Variants in GNB2 observed in about 807,000 individuals in gnomAD.
GNB2 encodes G protein subunit beta 2.
GNB2 carries 7 observed loss-of-function variants against 40.7 expected under a neutral mutation model. The ratio of observed to expected loss-of-function variants is 0.17; its 90% CI spans 0.10 to 0.32. The LOEUF (loss-of-function observed/expected upper bound fraction) is 0.32, where lower values mean the gene tolerates loss of function less well. GNB2 is among the 10% of genes least tolerant of loss of function. The pLI is 1.00. For missense variants in GNB2, 286 were observed against 473.0 expected, an observed-to-expected ratio of 0.60 and a Z score of 3.67; for synonymous variants, 254 against 191.2, an observed-to-expected ratio of 1.33 and a Z score of -2.71.
chr7:100,674,580 C>T (rs1804309933), intron 1 of GNB2, among the ~76,000 whole-genome samples: 1 of 152,064 alleles, frequency 6.6e-6, no homozygotes, highest in African/African-American at 2.4e-5. Flanking sequence ...CACTGCGCTT[C>T]GCAGCGCCGC....
In GNB2 at chr7:100,676,235, GC is replaced by G; in HGVS notation, c.-26del. 1.4e-6 allele frequency: 2 copies of G among 1,383,392 alleles called. No individual in the cohort carries two copies. Among genetic ancestry groups the G allele is most frequent in the Non-Finnish European group, 2.0e-6 (2 of 995,042 alleles). The allele number at this position is 1,383,392 out of a possible 1,614,324, so 85.7% of individuals were successfully genotyped here. ...AGCCCCCGTCCCGCGGCCCCCAGCC[GC>G]CCCCAACCCTGCCCCACGGGCCCGG... On this transcript the variant is annotated 5_prime_UTR_variant, in exon 2 of 10. Coordinates refer to ENST00000303210, the MANE Select transcript of GNB2 (RefSeq NM_005273.4).
rs1010970751 is a variant in GNB2 at position 100,678,891 on chromosome 7, C to G, written c.*90C>G. The G allele has an allele frequency of 6.7e-6, 7 of 1,040,198 alleles. No individual in the cohort carries two copies. The African/African-American group carries it at 1.1e-4, about 17-fold the overall frequency. The allele number at this position is 1,040,198 out of a possible 1,614,324, so 64.4% of individuals were successfully genotyped here. On this transcript the variant is annotated 3_prime_UTR_variant, in exon 10 of 10. Transcript: ENST00000303210. ...GCTGCGGGGCTGGCGCAATCCCAGC[C>G]CCCTTCCCCGGGCCACGGGGCCTTG...
intron 8 of GNB2, 32 bp from the exon 9 acceptor site, chr7:100,678,354 TCCTCACCCTCAC>T: frequency 2.5e-6 from 4 of 1,602,098 alleles, no homozygotes; most frequent in Non-Finnish European, 3.4e-6. Flanking sequence ...CCGGCCCTGC[TCCTCACCCTCAC>T]CCTCACCCCA....
rs539911782 is a variant in GNB2 at position 100,675,976 on chromosome 7, G to C, written c.-89-201G>C. On this transcript the variant is annotated intron_variant, in intron 1 of 9. Coordinates refer to ENST00000303210, the MANE Select transcript of GNB2 (RefSeq NM_005273.4). ...TCTTGCACTTCCCGCTCCGTTTCCG[G>C]GGGGCGGGAGGAAGATTGGGGAAGT... 615 of 431,810 alleles carry C rather than the reference G, an allele frequency of 1.4e-3. 6 individuals are homozygous for C. The highest frequency in any genetic ancestry group is 0.012 in the African/African-American group (562 of 47,730). The allele number at this position is 431,810 out of a possible 1,614,324, so 26.7% of individuals were successfully genotyped here.
intron 4 of GNB2, chr7:100,677,084 G>A (rs1584478980): frequency 1.7e-6 from 1 of 593,582 alleles, no homozygotes; most frequent in East Asian, 2.8e-5. Context: ...GACCAGCCTG[G>A]GCAACATAGT....
At position 100,678,508 on chromosome 7, in the gene GNB2, C is replaced by T. The variant is rs1804413954; in HGVS notation, c.810C>T (p.Ile270=). 2 of 1,613,838 alleles carry T rather than the reference C, an allele frequency of 1.2e-6. No homozygotes were observed. Among genetic ancestry groups the T allele is most frequent in the Non-Finnish European group, 1.7e-6 (2 of 1,179,900 alleles). The change falls in exon 9 of 10, where the codon ATC becomes ATT. Residue 270 remains isoleucine, a synonymous_variant. Coordinates refer to ENST00000303210, the MANE Select transcript of GNB2 (RefSeq NM_005273.4). ...TCATGTACTCCCATGACAACATCAT[C>T]TGTGGCATCACCTCTGTTGCCTTCT... The part of the protein sequence containing the change: ...ELLMYSHDNI[I]CGITSVAFSR...
At position 100,673,764 on chromosome 7, in the gene GNB2, C is replaced by G. The variant is rs1387248432; in HGVS notation, c.-249C>G. ...CACTGGCGGGCGGGATCCCTCCGCT[C>G]TGGGGAGGCAGCGCTGGCGGCGGGG... On this transcript the variant is annotated 5_prime_UTR_variant, in exon 1 of 10. Coordinates refer to ENST00000303210, the MANE Select transcript of GNB2 (RefSeq NM_005273.4). The G allele has an allele frequency of 6.0e-6, 1 of 167,580 alleles. No homozygotes were observed. Among genetic ancestry groups the G allele is most frequent in the East Asian group, 1.7e-4 (1 of 5,916 alleles). 10.4% of individuals were successfully genotyped at this position (167,580 alleles called of 1,614,324 possible).
At chr7:100,676,833 C>A in intron 4 of GNB2, 34 bp downstream of exon 4, 2 of 1,293,462 alleles carry the variant, frequency 1.5e-6, no homozygotes, top group East Asian at 2.5e-5. Context: ...CGCTGTGGGC[C>A]GACTTTCTAG....
chr7:100,676,500 C>A (rs1330338457), intron 2 of GNB2, 35 bp from the exon 3 acceptor site: 5 of 1,578,926 alleles, frequency 3.2e-6, no homozygotes, highest in Non-Finnish European at 4.4e-6. Flanking sequence ...AACCTGTCTT[C>A]TCTCGCGTCT....
chr7:100,676,207 C>A lies in GNB2; in HGVS notation c.-59C>A. ...GGGCCAGCGGCCAGGAGCTGCCTCCCCCAGCCCCCGTCCCGCGGCCCCCAG... is the reference window on the plus strand; with the variant it reads ...GGGCCAGCGGCCAGGAGCTGCCTCCACCAGCCCCCGTCCCGCGGCCCCCAG... On this transcript the variant is annotated 5_prime_UTR_variant, in exon 2 of 10. Transcript: ENST00000303210. 5 of 1,070,024 alleles carry A rather than the reference C, an allele frequency of 4.7e-6. No homozygotes were observed. Among genetic ancestry groups the A allele is most frequent in the Middle Eastern group, 2.9e-4 (1 of 3,430 alleles). The allele number at this position is 1,070,024 out of a possible 1,614,324, so 66.3% of individuals were successfully genotyped here. A position where few individuals can be genotyped will look rare whatever the true frequency, so the allele number is the denominator to read the frequency against.
chr7:100,674,511 C>T (rs1489368883), intron 1 of GNB2, among the ~76,000 whole-genome samples: 2 of 151,636 alleles, frequency 1.3e-5, no homozygotes, highest in African/African-American at 2.4e-5. Context: ...CAGGCGCCCG[C>T]CCCCCGCCCA....
At chr7:100,676,981 G>T in intron 4 of GNB2, 182 bp downstream of exon 4, 1 of 600,126 alleles carries the variant, frequency 1.7e-6, no homozygotes. Context: ...GAACTTGTGG[G>T]CTGCAGCTGG....
At chr7:100,677,852 A>C (rs1433654134) in intron 7 of GNB2, 34 bp downstream of exon 7, 3 of 1,571,800 alleles carry the variant, frequency 1.9e-6, no homozygotes, top group African/African-American at 1.3e-5. Flanking sequence ...AGTCTGGGCA[A>C]ACCCACACTT....
rs767891822 is a variant in GNB2 at position 100,678,757 on chromosome 7, G to A, written c.979G>A (p.Val327Met). 3.7e-6 allele frequency: 6 copies of A among 1,613,552 alleles called. No homozygotes were observed. In the African/African-American group the frequency reaches 8.0e-5, roughly 22 times the overall value. The change falls in exon 10 of 10, where the codon GTG (valine) becomes ATG (methionine). Residue 327 changes from valine to methionine, a missense_variant. Transcript: ENST00000303210. ...CLGVTDDGMA[V>M]ATGSWDSFLK... ...CGGGGTCACCGACGATGGCATGGCT[G>A]TGGCCACGGGCTCCTGGGACTCCTT...
chr7:100,676,450 C>T, intron 2 of GNB2, 85 bp from the exon 3 acceptor site: 3 of 1,321,498 alleles, frequency 2.3e-6, no homozygotes, highest in Non-Finnish European at 3.3e-6. Context: ...CTGACCCTGT[C>T]CACTCCTGTC....
chr7:100,678,363 T>TCACCCTCACCCC lies in GNB2; in HGVS notation c.700-34_700-23dup, dbSNP rs1472819522. On this transcript the variant is annotated intron_variant, in intron 8 of 9. Coordinates refer to ENST00000303210, the MANE Select transcript of GNB2 (RefSeq NM_005273.4). ...AGGCTCCCGGCCCTGCTCCTCACCCTCACCCTCACCCCATCTGGGTCCCGT... is the reference window on the plus strand; with the variant it reads ...AGGCTCCCGGCCCTGCTCCTCACCCTCACCCTCACCCCCACCCTCACCCCATCTGGGTCCCGT... 6.1e-5 allele frequency: 98 copies of TCACCCTCACCCC among 1,604,688 alleles called. 1 individual carries two copies. The highest frequency in any genetic ancestry group is 8.4e-5 in the Non-Finnish European group (98 of 1,172,638).
rs1562856547 is a variant in GNB2 at position 100,673,905 on chromosome 7, CAG to C, written c.-105_-104del. 5.6e-6 allele frequency: 1 copy of C among 177,890 alleles called. No individual in the cohort carries two copies. The highest frequency in any genetic ancestry group is 1.1e-5 in the Non-Finnish European group (1 of 87,826). The allele number at this position is 177,890 out of a possible 1,614,324, so 11.0% of individuals were successfully genotyped here. On this transcript the variant is annotated 5_prime_UTR_variant, in exon 1 of 10. Coordinates refer to ENST00000303210, the MANE Select transcript of GNB2 (RefSeq NM_005273.4). ...CGCGCACCGCCAGCGACCTCCGCCG[CAG>C]AGTCCCACCGCCACAGGTACCTTCG... is the stretch of plus-strand genomic sequence containing the variant.
rs221789 is a variant in GNB2 at position 100,673,898 on chromosome 7, T to C, written c.-115T>C. On this transcript the variant is annotated 5_prime_UTR_variant, in exon 1 of 10. Coordinates refer to ENST00000303210, the MANE Select transcript of GNB2 (RefSeq NM_005273.4). Reference sequence around the variant, plus strand: ...CGCCGCCCGCGCACCGCCAGCGACCTCCGCCGCAGAGTCCCACCGCCACAG... The same window carrying C: ...CGCCGCCCGCGCACCGCCAGCGACCCCCGCCGCAGAGTCCCACCGCCACAG... 151,453 of 178,144 alleles carry C rather than the reference T, an allele frequency of 0.85. 64,734 individuals are homozygous for C. The highest frequency in any genetic ancestry group is 0.94 in the East Asian group (5,997 of 6,408). The allele number at this position is 178,144 out of a possible 1,614,324, so 11.0% of individuals were successfully genotyped here.
At position 100,677,774 on chromosome 7, in the gene GNB2, C is replaced by G; in HGVS notation, c.453C>G (p.Phe151Leu). 1.2e-6 allele frequency: 2 copies of G among 1,613,840 alleles called. No individual in the cohort carries two copies. Among genetic ancestry groups the G allele is most frequent in the Non-Finnish European group, 1.7e-6 (2 of 1,180,012 alleles). ...GHTGYLSCCR[F>L]LDDNQIITSS... ...CAGGGTACCTGTCGTGTTGCCGCTT[C>G]CTGGATGACAACCAAATCATCACCA... The change falls in exon 7 of 10, where the codon TTC becomes TTG. Residue 151 changes from phenylalanine (F) to leucine (L), a missense_variant. Phe to Leu is a conservative substitution (Grantham distance 22). Coordinates refer to ENST00000303210, the MANE Select transcript of GNB2 (RefSeq NM_005273.4).
Sources: gnomAD v4.1 joint callset for allele counts (sites outside exome capture counted in the v4.1 genomes callset) on GRCh38, gnomAD v4.1.1 for gene constraint, MANE v1.5 for transcripts, NCBI Gene and HGNC (gene_info 2026-07-23, HGNC 2026-07-21) for gene names.